ST8SIA1: variants seen among roughly 807,000 people sequenced by gnomAD.
ST8SIA1 encodes alpha-N-acetylneuraminide alpha-2,8-sialyltransferase.
A neutral mutation model predicts 35.9 loss-of-function variants in ST8SIA1; 16 were observed. That is an observed-to-expected ratio of 0.45 (90% CI 0.30 to 0.68). The LOEUF (loss-of-function observed/expected upper bound fraction) is 0.68. Ranked by LOEUF, ST8SIA1 falls within the 30% of genes least tolerant of loss-of-function variation. The pLI is 0.09. For missense variants in ST8SIA1, 383 were observed against 453.6 expected (o/e 0.84, Z 1.41); for synonymous variants, 170 against 169.6 (o/e 1.00, Z -0.02).
At chr12:22,325,871 T>C in intron 1 of ST8SIA1, 3 of 701,790 alleles carry the variant, frequency 4.3e-6, no homozygotes, top group Non-Finnish European at 7.8e-6. Flanking sequence ...AGCACGGTGA[T>C]CCCACCACCA....
Position 22,251,581 on chromosome 12 carries a change from T to C in ST8SIA1, c.492-2483A>G, listed in dbSNP as rs570404993. On this transcript the variant is annotated intron_variant, in intron 3 of 4. Transcript: ENST00000396037. ...CTCAGGAAAAGCACACCAATAATTT[T>C]AGTTCCTCAACTCATAAATTGATAA... Among the ~76,000 whole-genome samples the C allele has an allele frequency of 2.7e-4, 41 of 152,338 alleles. No individual in the cohort carries two copies. In the East Asian group the frequency reaches 5.8e-3, roughly 21 times the overall value.
chr12:22,324,864 A>G (rs1866654880), intron 1 of ST8SIA1: 2 of 152,128 alleles, frequency 1.3e-5, no homozygotes. Flanking sequence ...ACAATAAATA[A>G]TTATTTTTCC....
intron 1 of ST8SIA1, among the ~76,000 whole-genome samples, chr12:22,311,726 A>G (rs1866451397): frequency 6.6e-6 from 1 of 152,158 alleles, no homozygotes; most frequent in Non-Finnish European, 1.5e-5. Flanking sequence ...TAAATCCTAA[A>G]TTTGGGAAAC....
Position 22,284,831 on chromosome 12 carries a change from T to C in ST8SIA1, c.381+2318A>G, listed in dbSNP as rs538093128. On this transcript the variant is annotated intron_variant, in intron 2 of 4. Transcript: ENST00000396037. ...TAACCCTATTGCTGCAACCGATAGA[T>C]AATATAGGAGGCTAGTTTATATTTC... is the stretch of plus-strand genomic sequence containing the variant. Among the ~76,000 whole-genome samples the C allele has an allele frequency of 5.3e-5, 8 of 152,350 alleles. No individual in the cohort carries two copies. The South Asian group carries it at 1.2e-3, about 24-fold the overall frequency.
At position 22,221,774 on chromosome 12, in the gene ST8SIA1, C is replaced by T. The variant is rs181153587; in HGVS notation, c.585-19736G>A. On this transcript the variant is annotated intron_variant, in intron 4 of 4. Coordinates refer to ENST00000396037, the MANE Select transcript of ST8SIA1 (RefSeq NM_003034.4). ...TAGTGGATTAGCTTTTAAAATAAACCTTTTCCTTGCTTATACCTATATTAG... is the reference window on the plus strand; with the variant it reads ...TAGTGGATTAGCTTTTAAAATAAACTTTTTCCTTGCTTATACCTATATTAG... Among the ~76,000 whole-genome samples, 8 of 152,250 alleles carry T rather than the reference C, an allele frequency of 5.3e-5. No homozygotes were observed. In the East Asian group the frequency reaches 1.5e-3, roughly 29 times the overall value.
At chr12:22,257,256 G>C (rs1865738026) in intron 2 of ST8SIA1, among the ~76,000 whole-genome samples, 2 of 152,054 alleles carry the variant, frequency 1.3e-5, no homozygotes, top group South Asian at 4.1e-4. Flanking sequence ...TAGTCACCCA[G>C]GCTGGAGTAC....
intron 4 of ST8SIA1, among the ~76,000 whole-genome samples, chr12:22,233,526 T>G (rs1159960364): frequency 6.6e-6 from 1 of 152,176 alleles, no homozygotes; most frequent in Non-Finnish European, 1.5e-5. Flanking sequence ...AATCCTCCTT[T>G]TCTCTTTTAA....
intron 1 of ST8SIA1, among the ~76,000 whole-genome samples, chr12:22,310,305 G>C (rs749825618): frequency 1.3e-5 from 2 of 152,140 alleles, no homozygotes; most frequent in Admixed American, 6.6e-5. Context: ...GTTTCAAAAA[G>C]AAGATCTGTT....
At chr12:22,222,547 A>G (rs1865310911) in intron 4 of ST8SIA1, among the ~76,000 whole-genome samples, 1 of 152,202 alleles carries the variant, frequency 6.6e-6, no homozygotes, top group Non-Finnish European at 1.5e-5. Flanking sequence ...TAATATTTTA[A>G]TTAAAAGTAG....
chr12:22,255,013 C>A (rs929640630), intron 3 of ST8SIA1, among the ~76,000 whole-genome samples: 6 of 152,178 alleles, frequency 3.9e-5, no homozygotes, highest in Admixed American at 6.6e-5. Flanking sequence ...GTGAGATTTT[C>A]CACTTTCCCC....
intron 3 of ST8SIA1, among the ~76,000 whole-genome samples, chr12:22,250,305 A>G (rs1865654879): frequency 6.6e-6 from 1 of 152,204 alleles, no homozygotes; most frequent in African/African-American, 2.4e-5. Context: ...CTTTTCTTGA[A>G]TTGTTGTTAA....
At chr12:22,273,383 G>A (rs741371) in intron 2 of ST8SIA1, among the ~76,000 whole-genome samples, 14,009 of 152,084 alleles carry the variant, frequency 0.092, 779 homozygotes, top group East Asian at 0.15. Flanking sequence ...ATCAATACAA[G>A]CTACCTATTC....
chr12:22,329,038 G>A (rs1035187978), intron 1 of ST8SIA1, among the ~76,000 whole-genome samples: 4 of 152,158 alleles, frequency 2.6e-5, no homozygotes, highest in Non-Finnish European at 5.9e-5. Flanking sequence ...CATTCCAGGT[G>A]GAGTGGGTGG....
At chr12:22,314,603 C>T (rs938099395) in intron 1 of ST8SIA1, among the ~76,000 whole-genome samples, 4 of 152,178 alleles carry the variant, frequency 2.6e-5, no homozygotes, top group Admixed American at 6.5e-5. Context: ...CAAGTAGTGT[C>T]AAACCTGTCC....
chr12:22,217,602 T>C (rs1865248090), intron 4 of ST8SIA1, among the ~76,000 whole-genome samples: 1 of 152,300 alleles, frequency 6.6e-6, no homozygotes. Context: ...CTCAATTTTC[T>C]CATTTGAAAA....
intron 4 of ST8SIA1, among the ~76,000 whole-genome samples, chr12:22,205,565 G>C (rs1470039702): frequency 1.3e-5 from 2 of 152,042 alleles, no homozygotes; most frequent in Non-Finnish European, 2.9e-5. Context: ...AAATCTGAGA[G>C]GGAACAGATT....
chr12:22,228,826 C>A (rs57141380), intron 4 of ST8SIA1, among the ~76,000 whole-genome samples: 1 of 151,718 alleles, frequency 6.6e-6, no homozygotes, highest in Non-Finnish European at 1.5e-5. Flanking sequence ...GAGGCCAAGG[C>A]GGGTGGATCA....
At chr12:22,299,246 C>A (rs900532425) in intron 1 of ST8SIA1, among the ~76,000 whole-genome samples, 2 of 151,696 alleles carry the variant, frequency 1.3e-5, no homozygotes, top group Admixed American at 1.3e-4. Flanking sequence ...AAGAGGTGAA[C>A]AATTTTTGTC....
chr12:22,319,468 C>G (rs1275198932), intron 1 of ST8SIA1, among the ~76,000 whole-genome samples: 1 of 152,218 alleles, frequency 6.6e-6, no homozygotes, highest in Non-Finnish European at 1.5e-5. Context: ...GAGGAGCAAT[C>G]TTCTGGCTTC....
Sources: allele counts gnomAD v4.1 joint callset (sites outside exome capture counted in the v4.1 genomes callset), GRCh38; gene constraint gnomAD v4.1.1; transcripts MANE v1.5; gene names NCBI Gene and HGNC (gene_info 2026-07-23, HGNC 2026-07-21).